The following KCTD8 variants were observed in gnomAD, a reference collection of about 807,000 sequenced individuals.
The protein encoded by KCTD8 is potassium channel tetramerization domain containing 8.
A neutral mutation model predicts 31.5 loss-of-function variants in KCTD8; 27 were observed. That is an observed-to-expected ratio of 0.86 (90% CI 0.63 to 1.18). The LOEUF is 1.18. Ranked by LOEUF, KCTD8 falls within the 50% of genes most tolerant of loss-of-function variation. The probability of loss-of-function intolerance (pLI) is 0.00; values close to 1 mark genes in which losing one functional copy is unlikely to be tolerated. For missense variants in KCTD8, 658 were observed against 647.7 expected (o/e 1.02, Z -0.17); for synonymous variants, 290 against 280.0 (o/e 1.04, Z -0.36).
rs567522387 is a variant in KCTD8, at chr4:44,441,699, T to C, written c.961+5864A>G. ...GGATGTTACTTAATGTCCTAAATCA[T>C]AGTGTTCTAATTGAACTATTAGGGA... On this transcript the variant is annotated intron_variant, in intron 1 of 1. Coordinates refer to ENST00000360029, the MANE Select transcript of KCTD8 (RefSeq NM_198353.3). Among the ~76,000 whole-genome samples the C allele has an allele frequency of 1.0e-3, 155 of 152,308 alleles. 2 individuals are homozygous for C. The highest frequency in any genetic ancestry group is 3.7e-3 in the African/African-American group (152 of 41,572).
chr4:44,213,698 G>A (rs932921015), intron 1 of KCTD8, among the ~76,000 whole-genome samples: 2 of 151,884 alleles, frequency 1.3e-5, no homozygotes, highest in Admixed American at 6.6e-5. Flanking sequence ...TTTATCCCTC[G>A]AATATCTAAG....
intron 1 of KCTD8, among the ~76,000 whole-genome samples, chr4:44,265,683 C>T (rs1024061381): frequency 2.6e-5 from 4 of 152,006 alleles, no homozygotes; most frequent in Admixed American, 1.3e-4. Context: ...ATAACCAATA[C>T]AGAGAAGTGC....
intron 1 of KCTD8, among the ~76,000 whole-genome samples, chr4:44,404,318 C>T (rs998970290): frequency 6.6e-6 from 1 of 152,072 alleles, no homozygotes; most frequent in Admixed American, 6.6e-5. Flanking sequence ...CATTAAATTC[C>T]TTGCTATGTT....
chr4:44,195,501 G>C lies in KCTD8; in HGVS notation c.962-20251C>G, dbSNP rs566034159. Reference sequence around the variant, plus strand: ...GAAAGATCATACAGAAGACCAAGAAGATTCTGATTTTGTAGATCAAAGAGC... The same window carrying C: ...GAAAGATCATACAGAAGACCAAGAACATTCTGATTTTGTAGATCAAAGAGC... On this transcript the variant is annotated intron_variant, in intron 1 of 1. Coordinates refer to ENST00000360029, the MANE Select transcript of KCTD8 (RefSeq NM_198353.3). Among the ~76,000 whole-genome samples, 7 of 152,276 alleles carry C rather than the reference G, an allele frequency of 4.6e-5. No homozygotes were observed. In the South Asian group the frequency reaches 1.4e-3, roughly 32 times the overall value.
chr4:44,397,835 A>G (rs1217914887), intron 1 of KCTD8, among the ~76,000 whole-genome samples: 5 of 152,156 alleles, frequency 3.3e-5, no homozygotes, highest in Non-Finnish European at 7.4e-5. Flanking sequence ...AGAATTTTAA[A>G]CTTTTCTTTC....
chr4:44,432,687 T>C (rs1721534181), intron 1 of KCTD8, among the ~76,000 whole-genome samples: 1 of 151,670 alleles, frequency 6.6e-6, no homozygotes. Context: ...AATCCACAAA[T>C]GAGGTCAATC....
intron 1 of KCTD8, among the ~76,000 whole-genome samples, chr4:44,203,330 C>A (rs1714204699): frequency 6.6e-6 from 1 of 151,698 alleles, no homozygotes; most frequent in Non-Finnish European, 1.5e-5. Flanking sequence ...TGATGAAATT[C>A]CATCTCTACT....
chr4:44,419,557 T>C (rs1025132729), intron 1 of KCTD8, among the ~76,000 whole-genome samples: 4 of 152,128 alleles, frequency 2.6e-5, no homozygotes, highest in African/African-American at 7.2e-5. Context: ...TGAAGGGACA[T>C]GGATGAAGCT....
At chr4:44,280,222 CAG>C in intron 1 of KCTD8, among the ~76,000 whole-genome samples, 1 of 152,098 alleles carries the variant, frequency 6.6e-6, no homozygotes, top group East Asian at 1.9e-4. Context: ...CTGAATTAAA[CAG>C]AGAGAATCAT....
At chr4:44,213,084 C>A (rs1003137146) in intron 1 of KCTD8, among the ~76,000 whole-genome samples, 1 of 151,946 alleles carries the variant, frequency 6.6e-6, no homozygotes, top group Non-Finnish European at 1.5e-5. Context: ...TCTACAGGCG[C>A]CCGCCACCAT....
At position 44,336,906 on chromosome 4, in the gene KCTD8, AAAT is replaced by A. The variant is rs1308387334; in HGVS notation, c.961+110654_961+110656del. ...CAATAAAATGAAACTGCCATATAAC[AAAT>A]CTCTAAACGAGAGAAGTCTGTTTAG... is the stretch of plus-strand genomic sequence containing the variant. On this transcript the variant is annotated intron_variant, in intron 1 of 1. Coordinates refer to ENST00000360029, the MANE Select transcript of KCTD8 (RefSeq NM_198353.3). 7.7e-3 allele frequency among the ~76,000 whole-genome samples: 1,167 copies of A among 152,252 alleles called. 12 individuals carry two copies. The highest frequency in any genetic ancestry group is 0.027 in the African/African-American group (1,114 of 41,564).
intron 1 of KCTD8, among the ~76,000 whole-genome samples, chr4:44,320,821 T>TAAAAAAA (rs35748647): frequency 7.3e-6 from 1 of 136,274 alleles, no homozygotes. Context: ...TCCTGATTCT[T>TAAAAAAA]AAAAAAAAAA....
At chr4:44,212,765 T>G (rs1714529619) in intron 1 of KCTD8, among the ~76,000 whole-genome samples, 1 of 152,214 alleles carries the variant, frequency 6.6e-6, no homozygotes, top group South Asian at 2.1e-4. Context: ...TAGTTGGAAT[T>G]TCATGTTTTA....
At position 44,271,380 on chromosome 4, in the gene KCTD8, C is replaced by A. The variant is rs186309562; in HGVS notation, c.962-96130G>T. ...CTAATAATTACTTCATTATGAGAGA[C>A]AGAATAGCATAATGGCTAACAGCCT... On this transcript the variant is annotated intron_variant, in intron 1 of 1. Coordinates refer to ENST00000360029, the MANE Select transcript of KCTD8 (RefSeq NM_198353.3). Among the ~76,000 whole-genome samples the A allele has an allele frequency of 3.9e-5, 6 of 152,192 alleles. No individual in the cohort carries two copies. The East Asian group carries it at 1.2e-3, about 29-fold the overall frequency.
At chr4:44,327,595 T>G (rs535960220) in intron 1 of KCTD8, among the ~76,000 whole-genome samples, 1 of 151,820 alleles carries the variant, frequency 6.6e-6, no homozygotes, top group South Asian at 2.1e-4. Flanking sequence ...TAAGGTTACT[T>G]ATCAATATCA....
intron 1 of KCTD8, among the ~76,000 whole-genome samples, chr4:44,317,229 T>C (rs1185385157): frequency 1.6e-4 from 2 of 12,382 alleles, no homozygotes; most frequent in Non-Finnish European, 1.4e-4. Context: ...GGGTGCTTTC[T>C]TTTTTTTTTT....
chr4:44,411,377 C>CAAAAA (rs781705203), intron 1 of KCTD8, among the ~76,000 whole-genome samples: 1 of 50,738 alleles, frequency 2.0e-5, no homozygotes, highest in Non-Finnish European at 5.5e-5. Flanking sequence ...GAGCCTGTCT[C>CAAAAA]AAAAAAAAAA....
chr4:44,263,930 G>A (rs571800342), intron 1 of KCTD8, among the ~76,000 whole-genome samples: 1 of 152,106 alleles, frequency 6.6e-6, no homozygotes, highest in Non-Finnish European at 1.5e-5. Context: ...TCCTTGCCAG[G>A]AACTACCTCC....
At chr4:44,378,935 T>C (rs2109441494) in intron 1 of KCTD8, among the ~76,000 whole-genome samples, 1 of 152,254 alleles carries the variant, frequency 6.6e-6, no homozygotes, top group South Asian at 2.1e-4. Flanking sequence ...TGTTTCCTTT[T>C]CTTTGCTAAC....
Sources: gnomAD v4.1 joint callset for allele counts (sites outside exome capture counted in the v4.1 genomes callset) on GRCh38, gnomAD v4.1.1 for gene constraint, MANE v1.5 for transcripts, NCBI Gene and HGNC (gene_info 2026-07-23, HGNC 2026-07-21) for gene names.